Variants in MYO16 observed in about 807,000 individuals in gnomAD.
The protein encoded by MYO16 is myosin XVI, also known as unconventional myosin-XVI.
MYO16 carries 94 observed loss-of-function variants against 205.3 expected under a neutral mutation model. The observed-to-expected ratio is 0.46, with a 90% CI of 0.39 to 0.54. MYO16 has a LOEUF of 0.54. MYO16 is among the 20% of genes least tolerant of loss of function. The pLI, the probability that MYO16 is intolerant of heterozygous loss-of-function variation, is 0.00. For missense variants in MYO16, 2,315 were observed against 2,387.5 expected (o/e 0.97, Z 0.63); for synonymous variants, 988 against 954.0 (o/e 1.04, Z -0.66).
At chr13:108,548,503 T>C in the MYO16 span, among the ~76,000 whole-genome samples, 4 of 150,696 alleles carry the variant, frequency 2.7e-5, no homozygotes, top group Admixed American at 6.6e-5. Flanking sequence ...GTTGTGTTGG[T>C]AATAAAGGTG....
intron 27 of MYO16, among the ~76,000 whole-genome samples, chr13:109,064,081 C>T (rs1887669887): frequency 6.6e-6 from 1 of 152,152 alleles, no homozygotes; most frequent in Admixed American, 6.6e-5. Context: ...AAATGACAGC[C>T]ACTGAGCCAA....
At chr13:109,158,517 T>C (rs1878191294) in intron 32 of MYO16, among the ~76,000 whole-genome samples, 1 of 152,204 alleles carries the variant, frequency 6.6e-6, no homozygotes, top group Non-Finnish European at 1.5e-5. Flanking sequence ...AGTTGGACTT[T>C]TCCCATAAAA....
intron 1 of MYO16, among the ~76,000 whole-genome samples, chr13:108,612,165 G>T (rs1014611542): frequency 3.3e-5 from 5 of 151,900 alleles, no homozygotes; most frequent in African/African-American, 7.3e-5. Flanking sequence ...TGCCCATTTA[G>T]TTGACTCTTC....
intron 27 of MYO16, among the ~76,000 whole-genome samples, chr13:109,060,184 C>A (rs1887544498): frequency 6.6e-6 from 1 of 152,136 alleles, no homozygotes; most frequent in South Asian, 2.1e-4. Flanking sequence ...GACACATTCA[C>A]ATGTATGTTT....
chr13:108,958,762 C>T (rs1883474558), intron 17 of MYO16, among the ~76,000 whole-genome samples: 1 of 152,136 alleles, frequency 6.6e-6, no homozygotes, highest in Non-Finnish European at 1.5e-5. Context: ...TGAGAGAAAC[C>T]TCTCAGAATT....
At chr13:108,897,045 C>T (rs990089577) in intron 14 of MYO16, among the ~76,000 whole-genome samples, 1 of 151,720 alleles carries the variant, frequency 6.6e-6, no homozygotes, top group Non-Finnish European at 1.5e-5. Flanking sequence ...GATCAAAGCA[C>T]TTAAAAAAAA....
chr13:109,132,753 T>C (rs74119836), intron 31 of MYO16, among the ~76,000 whole-genome samples: 5,229 of 152,244 alleles, frequency 0.034, 284 homozygotes, highest in African/African-American at 0.12. Context: ...TTACTGGGAA[T>C]AACAGAACAC....
At chr13:108,806,011 A>C (rs9559417) in intron 6 of MYO16, among the ~76,000 whole-genome samples, 10,484 of 152,006 alleles carry the variant, frequency 0.069, 477 homozygotes, top group East Asian at 0.23. Context: ...CTTAGTAGGG[A>C]GAGGTGGCAG....
chr13:108,979,175 A>G (rs561760294), intron 20 of MYO16, among the ~76,000 whole-genome samples: 1 of 152,062 alleles, frequency 6.6e-6, no homozygotes, highest in South Asian at 2.1e-4. Context: ...TGAAGTTTCA[A>G]AAATATATTT....
At chr13:108,944,225 T>C (rs2139322973) in intron 16 of MYO16, among the ~76,000 whole-genome samples, 1 of 152,298 alleles carries the variant, frequency 6.6e-6, no homozygotes, top group Admixed American at 6.5e-5. Context: ...TAATATTAGG[T>C]TAGAGCAAAA....
intron 4 of MYO16, 71 bp downstream of exon 4, chr13:108,727,654 C>T (rs1884387919): frequency 1.5e-5 from 23 of 1,497,226 alleles, no homozygotes; most frequent in South Asian, 2.6e-5. Context: ...TTAACTAATG[C>T]TATTTTACAA....
At chr13:109,062,616 A>T (rs1257629447) in intron 27 of MYO16, among the ~76,000 whole-genome samples, 4 of 121,194 alleles carry the variant, frequency 3.3e-5, no homozygotes, top group Non-Finnish European at 3.7e-5. Context: ...TTAGGATGCC[A>T]GTCTGAAATA....
chr13:109,001,367 A>C (rs1885207230), intron 21 of MYO16, among the ~76,000 whole-genome samples: 1 of 152,006 alleles, frequency 6.6e-6, no homozygotes, highest in Non-Finnish European at 1.5e-5. Context: ...AAGGAAAGCA[A>C]CCCTTCTCTG....
chr13:108,607,146 A>T (rs953149848), intron 1 of MYO16, among the ~76,000 whole-genome samples: 26 of 152,274 alleles, frequency 1.7e-4, no homozygotes, highest in Middle Eastern at 3.4e-3. Flanking sequence ...GGAGGAAGGG[A>T]CTTGCCTTGT....
At chr13:108,510,461 GTTTTTTTTTTTTTTTT>G in the MYO16 span, among the ~76,000 whole-genome samples, 1 of 45,924 alleles carries the variant, frequency 2.2e-5, no homozygotes, top group Non-Finnish European at 3.7e-5. Context: ...ATTGATAGCT[GTTTTTTTTTTTTTTTT>G]TTTTTTTTAT....
chr13:108,856,218 C>T (rs540507821), intron 11 of MYO16, among the ~76,000 whole-genome samples: 1 of 152,244 alleles, frequency 6.6e-6, no homozygotes, highest in African/African-American at 2.4e-5. Flanking sequence ...CTCTTCCACT[C>T]TCTGATTTTG....
chr13:108,585,451 T>C, the MYO16 span, among the ~76,000 whole-genome samples: 1 of 152,152 alleles, frequency 6.6e-6, no homozygotes, highest in Non-Finnish European at 1.5e-5. Context: ...CCAAGTTTTA[T>C]TGTGCAGAGG....
At chr13:108,813,352 T>C (rs753637290) in intron 7 of MYO16, among the ~76,000 whole-genome samples, 2 of 152,180 alleles carry the variant, frequency 1.3e-5, no homozygotes, top group South Asian at 4.1e-4. Context: ...GTATGCACCA[T>C]TGAGCTTAGG....
At chr13:108,871,334 GT>G (rs1879044991) in intron 12 of MYO16, among the ~76,000 whole-genome samples, 1 of 133,308 alleles carries the variant, frequency 7.5e-6, no homozygotes, top group South Asian at 2.8e-4. Context: ...GTGTGTGTGT[GT>G]GTGTGTGTGT....
Sources: allele counts gnomAD v4.1 joint callset (sites outside exome capture counted in the v4.1 genomes callset), GRCh38; gene constraint gnomAD v4.1.1; transcripts MANE v1.5; gene names NCBI Gene and HGNC (gene_info 2026-07-23, HGNC 2026-07-21).